DPP6: variants seen among roughly 807,000 people sequenced by gnomAD.
The protein encoded by DPP6 is A-type potassium channel modulatory protein DPP6.
A neutral mutation model predicts 122.6 loss-of-function variants in DPP6; 69 were observed. The ratio of observed to expected loss-of-function variants is 0.56; its 90% CI spans 0.46 to 0.69. DPP6 has a LOEUF of 0.69. Ranked by LOEUF, DPP6 falls within the 30% of genes least tolerant of loss-of-function variation. The pLI is 0.00. For synonymous variants in DPP6, 418 were observed against 433.1 expected (o/e 0.97, Z 0.43); for missense variants, 928 against 1,116.9 (o/e 0.83, Z 2.41).
At chr7:154,717,749 A>T (rs1025763675) in intron 7 of DPP6, among the ~76,000 whole-genome samples, 3 of 152,154 alleles carry the variant, frequency 2.0e-5, no homozygotes, top group East Asian at 1.9e-4. Flanking sequence ...TTTGCTTTGG[A>T]TGTCTACCCA....
chr7:154,131,075 T>C (rs1220859182), intron 1 of DPP6, among the ~76,000 whole-genome samples: 2 of 152,162 alleles, frequency 1.3e-5, no homozygotes, highest in African/African-American at 4.8e-5. Flanking sequence ...CTCTGGGTCT[T>C]AGCTTTAAGT....
At chr7:154,703,349 C>T (rs935781552) in intron 7 of DPP6, among the ~76,000 whole-genome samples, 3 of 152,116 alleles carry the variant, frequency 2.0e-5, no homozygotes, top group Admixed American at 6.5e-5. Flanking sequence ...GCTGGCATGG[C>T]GGCTCATGCC....
intron 1 of DPP6, among the ~76,000 whole-genome samples, chr7:153,936,793 A>G (rs1023774457): frequency 1.4e-5 from 2 of 143,534 alleles, no homozygotes; most frequent in Non-Finnish European, 3.0e-5. Flanking sequence ...CCTGGGTGAC[A>G]GAGTGAGACT....
chr7:154,591,230 C>T (rs76161946), intron 5 of DPP6, among the ~76,000 whole-genome samples: 4,269 of 152,300 alleles, frequency 0.028, 202 homozygotes, highest in African/African-American at 0.097. Flanking sequence ...TTAATTCACC[C>T]ACAACATATG....
chr7:154,500,514 C>T (rs1004467234), intron 3 of DPP6, among the ~76,000 whole-genome samples: 9 of 152,062 alleles, frequency 5.9e-5, no homozygotes, highest in South Asian at 2.1e-4. Flanking sequence ...ATTATGGGGG[C>T]GGATCTTTCC....
chr7:154,224,072 C>T (rs1800456928), intron 1 of DPP6, among the ~76,000 whole-genome samples: 1 of 147,692 alleles, frequency 6.8e-6, no homozygotes, highest in African/African-American at 2.6e-5. Flanking sequence ...TGGGAGGACA[C>T]TGCAGCCCAG....
chr7:153,857,621 G>A, the DPP6 span, among the ~76,000 whole-genome samples: 42 of 152,134 alleles, frequency 2.8e-4, no homozygotes, highest in Admixed American at 1.3e-3. Flanking sequence ...GATGCCAGCT[G>A]CCACTGTTCA....
At chr7:154,496,969 T>G (rs765880079) in intron 3 of DPP6, among the ~76,000 whole-genome samples, 1 of 152,186 alleles carries the variant, frequency 6.6e-6, no homozygotes, top group Non-Finnish European at 1.5e-5. Context: ...GCTCATCCAT[T>G]CACTCATGCA....
rs557772288 is a variant in DPP6 at position 154,872,012 on chromosome 7, G to T, written c.1814-612G>T. Among the ~76,000 whole-genome samples, 7 of 152,250 alleles carry T rather than the reference G, an allele frequency of 4.6e-5. No homozygotes were observed. In the South Asian group the frequency reaches 1.2e-3, roughly 27 times the overall value. On this transcript the variant is annotated intron_variant, in intron 18 of 25. Transcript: ENST00000377770. Reference sequence around the variant, plus strand: ...GATCCAGTGACCTTGGTAGCCACGGGATCCAATGGGCTGTACCATCCTTCC... The same window carrying T: ...GATCCAGTGACCTTGGTAGCCACGGTATCCAATGGGCTGTACCATCCTTCC...
At chr7:153,778,498 G>A in the DPP6 span, among the ~76,000 whole-genome samples, 4,736 of 136,558 alleles carry the variant, frequency 0.035, 273 homozygotes, top group African/African-American at 0.14. Flanking sequence ...GGGGGGAATG[G>A]GTTCAGGTTT....
chr7:154,062,294 C>CT (rs1423515707), intron 1 of DPP6, among the ~76,000 whole-genome samples: 4 of 79,940 alleles, frequency 5.0e-5, no homozygotes, highest in Admixed American at 2.7e-4. Flanking sequence ...GTCCCTCTTC[C>CT]CCCCCGGCTC....
At chr7:153,759,556 C>T in the DPP6 span, among the ~76,000 whole-genome samples, 1 of 151,982 alleles carries the variant, frequency 6.6e-6, no homozygotes, top group Non-Finnish European at 1.5e-5. Flanking sequence ...TGGTCTCAAA[C>T]TCCTATCTTC....
At chr7:153,953,151 A>C (rs1389715487) in intron 1 of DPP6, among the ~76,000 whole-genome samples, 1 of 152,196 alleles carries the variant, frequency 6.6e-6, no homozygotes, top group Non-Finnish European at 1.5e-5. Flanking sequence ...TTATCTTTTA[A>C]AAAAATTCAG....
chr7:153,824,395 A>AAAAAG, the DPP6 span, among the ~76,000 whole-genome samples: 1 of 148,564 alleles, frequency 6.7e-6, no homozygotes, highest in African/African-American at 2.5e-5. Flanking sequence ...TCAAAAAAAA[A>AAAAAG]AAAAAAAAAA....
intron 5 of DPP6, among the ~76,000 whole-genome samples, chr7:154,570,039 C>T (rs1005444531): frequency 4.6e-5 from 7 of 151,842 alleles, no homozygotes; most frequent in Admixed American, 6.6e-5. Context: ...CAGAGTAGTT[C>T]CGTATGTATA....
chr7:154,444,223 C>T lies in DPP6; in HGVS notation c.244-1991C>T, dbSNP rs528103403. On this transcript the variant is annotated intron_variant, in intron 1 of 25. Coordinates refer to ENST00000377770, the MANE Select transcript of DPP6 (RefSeq NM_130797.4). ...CTGTAATCCCAGCACTTTGGGAGGC[C>T]GAGGCGGGCGGATCGCAAGGTCAGG... Among the ~76,000 whole-genome samples, 1,129 of 151,888 alleles carry T rather than the reference C, an allele frequency of 7.4e-3. 17 individuals carry two copies. Among genetic ancestry groups the T allele is most frequent in the African/African-American group, 0.026 (1,065 of 41,386 alleles).
intron 1 of DPP6, among the ~76,000 whole-genome samples, chr7:154,222,427 G>A (rs934792222): frequency 2.4e-4 from 36 of 151,394 alleles, no homozygotes; most frequent in Non-Finnish European, 4.3e-4. Context: ...AGGCCGAGGT[G>A]GGCGGATCAC....
intron 1 of DPP6, among the ~76,000 whole-genome samples, chr7:154,426,643 A>G (rs547300080): frequency 6.6e-6 from 1 of 152,196 alleles, no homozygotes; most frequent in South Asian, 2.1e-4. Flanking sequence ...GCCTTAATGT[A>G]TTATTCTCCA....
intron 5 of DPP6, among the ~76,000 whole-genome samples, chr7:154,585,872 C>T (rs567526442): frequency 2.4e-4 from 36 of 152,032 alleles, no homozygotes; most frequent in East Asian, 9.7e-4. Context: ...GGCTTTGGGG[C>T]GGGAGCCTAC....
Sources: allele counts gnomAD v4.1 joint callset (sites outside exome capture counted in the v4.1 genomes callset), GRCh38; gene constraint gnomAD v4.1.1; transcripts MANE v1.5; gene names NCBI Gene and HGNC (gene_info 2026-07-23, HGNC 2026-07-21).